UNC5D: variants seen among roughly 807,000 people sequenced by gnomAD.
UNC5D encodes netrin receptor UNC5D.
Under a neutral mutation model 105.4 loss-of-function variants are expected in UNC5D, and 39 were observed. The observed-to-expected ratio is 0.37, with a 90% CI of 0.29 to 0.48. The LOEUF (loss-of-function observed/expected upper bound fraction) is 0.48. Ranked by LOEUF, UNC5D falls within the 20% of genes least tolerant of loss-of-function variation. The probability of loss-of-function intolerance (pLI) is 0.98; values close to 1 mark genes in which losing one functional copy is unlikely to be tolerated. For missense variants in UNC5D, 991 were observed against 1,202.4 expected (o/e 0.82, Z 2.60); for synonymous variants, 452 against 450.4 (o/e 1.00, Z -0.04).
intron 1 of UNC5D, among the ~76,000 whole-genome samples, chr8:35,293,918 G>A (rs773551911): frequency 1.3e-5 from 2 of 152,158 alleles, no homozygotes; most frequent in Non-Finnish European, 2.9e-5. Context: ...TTGGGAGTAC[G>A]TAGGCTACTT....
intron 7 of UNC5D, among the ~76,000 whole-genome samples, chr8:35,699,800 G>A (rs968558113): frequency 2.6e-5 from 4 of 152,142 alleles, no homozygotes; most frequent in African/African-American, 9.7e-5. Context: ...GGTCTCTGAA[G>A]GGTCATTGCT....
intron 1 of UNC5D, among the ~76,000 whole-genome samples, chr8:35,547,687 G>A (rs2130675704): frequency 6.6e-6 from 1 of 152,304 alleles, no homozygotes; most frequent in Non-Finnish European, 1.5e-5. Context: ...AATAGTAAGA[G>A]GCTCTGGTCA....
At chr8:35,433,699 A>G (rs904702528) in intron 1 of UNC5D, among the ~76,000 whole-genome samples, 35 of 151,920 alleles carry the variant, frequency 2.3e-4, no homozygotes, top group African/African-American at 6.8e-4. Context: ...AGAAAATACT[A>G]TTGGCCAGGC....
At chr8:35,421,131 A>G (rs1805873436) in intron 1 of UNC5D, among the ~76,000 whole-genome samples, 1 of 152,162 alleles carries the variant, frequency 6.6e-6, no homozygotes, top group Non-Finnish European at 1.5e-5. Flanking sequence ...GCTCTCAGGA[A>G]AGGTTATGAC....
At chr8:35,490,276 G>A (rs1811121473) in intron 1 of UNC5D, among the ~76,000 whole-genome samples, 1 of 152,186 alleles carries the variant, frequency 6.6e-6, no homozygotes, top group African/African-American at 2.4e-5. Context: ...GCTGAGGTGG[G>A]AGGATTGCTT....
At chr8:35,548,881 A>G (rs536724452) in intron 1 of UNC5D, among the ~76,000 whole-genome samples, 3 of 152,294 alleles carry the variant, frequency 2.0e-5, no homozygotes, top group South Asian at 4.1e-4. Context: ...ATTCACATAC[A>G]TGTGTGGGAG....
chr8:35,538,394 A>ATT (rs1423253688), intron 1 of UNC5D, among the ~76,000 whole-genome samples: 1,034 of 87,254 alleles, frequency 0.012, 30 homozygotes, highest in African/African-American at 0.037. Context: ...AAAAAAAATA[A>ATT]TTATATATAT....
chr8:35,314,275 G>A (rs568093045), intron 1 of UNC5D, among the ~76,000 whole-genome samples: 81 of 152,208 alleles, frequency 5.3e-4, no homozygotes, highest in African/African-American at 1.8e-3. Context: ...TATTTCGATC[G>A]AAACGAACAT....
At chr8:35,267,959 ATCATCATAAAAAT>A (rs1563264380) in intron 1 of UNC5D, among the ~76,000 whole-genome samples, 7 of 152,234 alleles carry the variant, frequency 4.6e-5, no homozygotes, top group Non-Finnish European at 1.0e-4. Flanking sequence ...GATGTTTCTC[ATCATCATAAAAAT>A]GAATGAAAAC....
At chr8:35,555,068 GT>G (rs1369333062) in intron 2 of UNC5D, among the ~76,000 whole-genome samples, 1 of 152,194 alleles carries the variant, frequency 6.6e-6, no homozygotes, top group Non-Finnish European at 1.5e-5. Context: ...TAATTTGAAA[GT>G]ATCTTCAATG....
intron 1 of UNC5D, among the ~76,000 whole-genome samples, chr8:35,436,975 A>AT (rs1807059286): frequency 6.6e-6 from 1 of 151,940 alleles, no homozygotes; most frequent in Non-Finnish European, 1.5e-5. Flanking sequence ...TATTACTGTC[A>AT]TTTACTACAC....
At chr8:35,476,355 T>C (rs915286754) in intron 1 of UNC5D, among the ~76,000 whole-genome samples, 17 of 152,184 alleles carry the variant, frequency 1.1e-4, no homozygotes, top group Admixed American at 1.1e-3. Flanking sequence ...CCTCTTTGAG[T>C]ATTAGTCCAT....
chr8:35,689,918 A>G (rs1217202010), intron 7 of UNC5D, among the ~76,000 whole-genome samples: 1 of 152,214 alleles, frequency 6.6e-6, no homozygotes, highest in Admixed American at 6.5e-5. Context: ...TCATGGATGC[A>G]TATGTGCTTT....
At chr8:35,338,789 A>G (rs1335053227) in intron 1 of UNC5D, among the ~76,000 whole-genome samples, 1 of 152,100 alleles carries the variant, frequency 6.6e-6, no homozygotes, top group Non-Finnish European at 1.5e-5. Context: ...TTCCATGCAC[A>G]AGCCCTGATT....
intron 1 of UNC5D, among the ~76,000 whole-genome samples, chr8:35,473,186 G>A (rs1016924328): frequency 3.9e-5 from 6 of 152,152 alleles, no homozygotes; most frequent in African/African-American, 1.4e-4. Flanking sequence ...AATGAGAGAT[G>A]GTGTAGTATT....
chr8:35,414,831 A>T (rs987502046), intron 1 of UNC5D, among the ~76,000 whole-genome samples: 55 of 152,092 alleles, frequency 3.6e-4, no homozygotes, highest in African/African-American at 1.3e-3. Flanking sequence ...AATCATAATA[A>T]ACTTAATTTC....
chr8:35,710,510 G>C (rs1827871107), intron 8 of UNC5D, among the ~76,000 whole-genome samples: 1 of 152,144 alleles, frequency 6.6e-6, no homozygotes, highest in South Asian at 2.1e-4. Flanking sequence ...ACGTTGGCCA[G>C]ACAGTCGAGA....
intron 3 of UNC5D, among the ~76,000 whole-genome samples, chr8:35,595,351 CT>C (rs774375476): frequency 2.6e-5 from 4 of 152,164 alleles, no homozygotes; most frequent in Non-Finnish European, 5.9e-5. Context: ...ACATCAGAAA[CT>C]GTTTTGTCCA....
At chr8:35,324,233 C>CA (rs569409228) in intron 1 of UNC5D, among the ~76,000 whole-genome samples, 1,849 of 62,630 alleles carry the variant, frequency 0.03, 73 homozygotes, top group African/African-American at 0.082. Flanking sequence ...ACCCTGTCTC[C>CA]AAAAAAAAAA....
Sources: allele counts gnomAD v4.1 joint callset (sites outside exome capture counted in the v4.1 genomes callset), GRCh38; gene constraint gnomAD v4.1.1; transcripts MANE v1.5; gene names NCBI Gene and HGNC (gene_info 2026-07-23, HGNC 2026-07-21).